CACNA1B: variants seen among roughly 807,000 people sequenced by gnomAD.
CACNA1B encodes the protein voltage-dependent N-type calcium channel subunit alpha-1B.
A neutral mutation model predicts 247.2 loss-of-function variants in CACNA1B; 70 were observed. That is an observed-to-expected ratio of 0.28 (90% confidence interval 0.23 to 0.35). The LOEUF is 0.35. CACNA1B is among the 10% of genes least tolerant of loss of function. The pLI, the probability that CACNA1B is intolerant of heterozygous loss-of-function variation, is 1.00. For missense variants in CACNA1B, 2,367 were observed against 3,197.4 expected (o/e 0.74, Z 6.26); for synonymous variants, 1,231 against 1,294.4 (o/e 0.95, Z 1.05).
rs551128578 is a variant in CACNA1B at position 138,120,927 on chromosome 9, G to T, written c.6489+46G>T. The stretch of plus-strand genomic sequence containing the variant: ...GGTCAGGGCCCAGCTGCCTCTCCTC[G>T]GCCCAGCACCCCTGTCCCACAGGCT... On this transcript the variant is annotated intron_variant, in intron 46 of 46. Transcript: ENST00000371372. The T allele has an allele frequency of 4.9e-5, 75 of 1,525,862 alleles. No homozygotes were observed. In the South Asian group the frequency reaches 8.5e-4, roughly 17 times the overall value. 94.5% of individuals were successfully genotyped at this position (1,525,862 alleles called of 1,614,324 possible).
intron 6 of CACNA1B, among the ~76,000 whole-genome samples, chr9:137,949,100 G>GTGTGTCC (rs1380431229): frequency 0.012 from 30 of 2,596 alleles, no homozygotes; most frequent in South Asian, 0.019. Context: ...GTGTGTGCAT[G>GTGTGTCC]TTTGTGGTGG....
intron 5 of CACNA1B, among the ~76,000 whole-genome samples, chr9:137,915,304 C>T (rs936883034): frequency 2.0e-5 from 3 of 152,216 alleles, no homozygotes; most frequent in Admixed American, 6.5e-5. Context: ...GGTGTGGCAT[C>T]TTCTGATCAT....
intron 39 of CACNA1B, among the ~76,000 whole-genome samples, chr9:138,110,797 G>A (rs1376669230): frequency 3.3e-5 from 5 of 152,034 alleles, no homozygotes; most frequent in Admixed American, 6.6e-5. Flanking sequence ...TGCTAAACAC[G>A]TATCTGCTAT....
At chr9:137,941,160 T>C (rs895447613) in intron 6 of CACNA1B, among the ~76,000 whole-genome samples, 7 of 152,122 alleles carry the variant, frequency 4.6e-5, no homozygotes, top group African/African-American at 1.7e-4. Context: ...ATTGTTTACA[T>C]AGAAAACCCT....
intron 15 of CACNA1B, among the ~76,000 whole-genome samples, chr9:137,997,846 A>G (rs1000099073): frequency 6.6e-6 from 1 of 152,246 alleles, no homozygotes; most frequent in African/African-American, 2.4e-5. Context: ...CCATCCTAGC[A>G]GCATTATTTG....
intron 2 of CACNA1B, among the ~76,000 whole-genome samples, chr9:137,879,621 C>T (rs978090143): frequency 2.8e-4 from 43 of 152,262 alleles, no homozygotes; most frequent in African/African-American, 1.0e-3. Flanking sequence ...CTTGGAACCT[C>T]TTCTCCAGTG....
chr9:138,037,216 A>C (rs1050401831), intron 20 of CACNA1B, among the ~76,000 whole-genome samples: 19 of 152,250 alleles, frequency 1.2e-4, no homozygotes, highest in Admixed American at 1.0e-3. Flanking sequence ...GATCCGGAAC[A>C]GGGCTTCTCA....
At position 137,990,559 on chromosome 9, in the gene CACNA1B, T is replaced by C. The variant is rs1035563986; in HGVS notation, c.1974+3705T>C. ...GCCAACCAATATAAAACCAGCACACTTAACAAAAATACAGCCGAGGACCCT... is the reference window on the plus strand; with the variant it reads ...GCCAACCAATATAAAACCAGCACACCTAACAAAAATACAGCCGAGGACCCT... On this transcript the variant is annotated intron_variant, in intron 15 of 46. Coordinates refer to ENST00000371372, the MANE Select transcript of CACNA1B (RefSeq NM_000718.4). This position sits in a 1 kb window ranked among gnomAD's most constrained non-coding sequence, Gnocchi z 4.5. Among the ~76,000 whole-genome samples, 1 of 152,088 alleles carries C rather than the reference T, an allele frequency of 6.6e-6. No homozygotes were observed.
chr9:138,036,514 T>C (rs1959048826), intron 20 of CACNA1B, among the ~76,000 whole-genome samples: 1 of 152,208 alleles, frequency 6.6e-6, no homozygotes. Context: ...TATTTTGCCA[T>C]TGTTTGTGAG....
chr9:137,935,575 T>C (rs1275062961), intron 6 of CACNA1B, among the ~76,000 whole-genome samples: 1 of 152,212 alleles, frequency 6.6e-6, no homozygotes, highest in Non-Finnish European at 1.5e-5. Flanking sequence ...TGTGTGCATG[T>C]GTCTTTATAG....
chr9:137,927,617 C>T (rs914506792), intron 6 of CACNA1B, among the ~76,000 whole-genome samples: 5 of 152,196 alleles, frequency 3.3e-5, no homozygotes, highest in Admixed American at 3.3e-4. Context: ...ATGTGCGTAG[C>T]CTTATGGCAC....
In CACNA1B at chr9:137,973,305, C is replaced by G. The variant is rs967849534; in HGVS notation, c.1543+1713C>G. Reference sequence around the variant, plus strand: ...AAATGTGGGCAGTGTCCCTGACAGCCGGGCTGGGCCTGAGGGAGGCTTGCT... The same window carrying G: ...AAATGTGGGCAGTGTCCCTGACAGCGGGGCTGGGCCTGAGGGAGGCTTGCT... On this transcript the variant is annotated intron_variant, in intron 11 of 46. Coordinates refer to ENST00000371372, the MANE Select transcript of CACNA1B (RefSeq NM_000718.4). The surrounding 1 kb of genome is among the most constrained non-coding windows in gnomAD (Gnocchi z 4.1). Among the ~76,000 whole-genome samples, 2 of 152,114 alleles carry G rather than the reference C, an allele frequency of 1.3e-5. No homozygotes were observed. Among genetic ancestry groups the G allele is most frequent in the Non-Finnish European group, 2.9e-5 (2 of 68,020 alleles).
intron 18 of CACNA1B, among the ~76,000 whole-genome samples, chr9:138,013,649 T>TA (rs1958754414): frequency 6.6e-6 from 1 of 152,246 alleles, no homozygotes; most frequent in Admixed American, 6.5e-5. Context: ...CTGAGAGACT[T>TA]ACTGCAGTTT....
intron 22 of CACNA1B, 119 bp from the exon 23 acceptor site, chr9:138,047,280 G>C: frequency 1.2e-6 from 1 of 816,632 alleles, no homozygotes; most frequent in Admixed American, 2.2e-5. Context: ...GTTTTCCACA[G>C]GCTTCCTGGC....
At chr9:138,047,510 A>T (rs369548707) in intron 23 of CACNA1B, 52 bp downstream of exon 23, 11 of 1,256,774 alleles carry the variant, frequency 8.8e-6, no homozygotes, top group African/African-American at 1.5e-5. Context: ...TCCCTCCCTC[A>T]TGATTGAGAT....
Position 138,122,326 on chromosome 9 carries a change from G to C in CACNA1B, c.*327G>C. The C allele has an allele frequency of 2.6e-6, 1 of 386,912 alleles. No homozygotes were observed. The highest frequency in any genetic ancestry group is 4.7e-6 in the Non-Finnish European group (1 of 211,616). 24.0% of individuals were successfully genotyped at this position (386,912 alleles called of 1,614,324 possible). ...TGTCCTGGGACTCAGCATCCAGCAT[G>C]GGTGCTTGGAGCCGTTGTGAGGAGC... On this transcript the variant is annotated 3_prime_UTR_variant, in exon 47 of 47. Coordinates refer to ENST00000371372, the MANE Select transcript of CACNA1B (RefSeq NM_000718.4).
chr9:137,901,154 GTGTT>G (rs1957234868), intron 3 of CACNA1B, among the ~76,000 whole-genome samples: 1 of 149,350 alleles, frequency 6.7e-6, no homozygotes, highest in African/African-American at 2.5e-5. Flanking sequence ...CCCTGTGACT[GTGTT>G]TGTGTCTGTG....
In CACNA1B at chr9:138,054,015, A is replaced by T. The variant is rs761253605; in HGVS notation, c.3968+9A>T. ...CTGGAGAGGGACTGCAGGTAAACTG[A>T]GGCAGGGTGCAAGGTGGGACACACA... On this transcript the variant is annotated intron_variant, in intron 26 of 46. Transcript: ENST00000371372. The surrounding 1 kb of genome is among the most constrained non-coding windows in gnomAD (Gnocchi z 4.6). The T allele has an allele frequency of 1.2e-6, 2 of 1,613,472 alleles. No individual in the cohort carries two copies. Among genetic ancestry groups the T allele is most frequent in the South Asian group, 2.2e-5 (2 of 91,048 alleles).
chr9:138,088,639 T>C (rs1960779304), intron 36 of CACNA1B, among the ~76,000 whole-genome samples: 1 of 151,826 alleles, frequency 6.6e-6, no homozygotes, highest in Admixed American at 6.6e-5. Context: ...ATTACTGTAA[T>C]GAGATTGAAT....
Sources: allele counts gnomAD v4.1 joint callset (sites outside exome capture counted in the v4.1 genomes callset), GRCh38; gene constraint gnomAD v4.1.1; non-coding constraint Gnocchi (gnomAD v3.1); transcripts MANE v1.5; gene names NCBI Gene and HGNC (gene_info 2026-07-23, HGNC 2026-07-21).